Variants in STAB2 observed in about 807,000 individuals in gnomAD.
STAB2 encodes stabilin-2.
A neutral mutation model predicts 338.1 loss-of-function variants in STAB2; 288 were observed. The ratio of observed to expected loss-of-function variants is 0.85; its 90% confidence interval spans 0.77 to 0.94. STAB2 has a LOEUF of 0.94. STAB2 is among the 40% of genes least tolerant of loss of function. The probability of loss-of-function intolerance (pLI) is 0.00; values close to 1 mark genes in which losing one functional copy is unlikely to be tolerated. For missense variants in STAB2, 3,141 were observed against 3,210.1 expected, an observed-to-expected ratio of 0.98 and a Z score of 0.52; for synonymous variants, 1,202 against 1,193.3, an observed-to-expected ratio of 1.01 and a Z score of -0.15.
intron 56 of STAB2, 34 bp from the exon 57 acceptor site, chr12:103,745,139 C>T: frequency 6.3e-7 from 1 of 1,588,350 alleles, no homozygotes. Context: ...GGTCTCAACC[C>T]CTGATGACTG....
chr12:103,624,626 T>A (rs73187884), intron 5 of STAB2, among the ~76,000 whole-genome samples: 1 of 152,290 alleles, frequency 6.6e-6, no homozygotes, highest in African/African-American at 2.4e-5. Flanking sequence ...TTCATAAGAC[T>A]GTTAGCAAAA....
In STAB2 at chr12:103,587,490, A is replaced by G. The variant is rs761860368; in HGVS notation, c.14A>G (p.His5Arg). The change falls in exon 1 of 69, where the codon CAT becomes CGT. Residue 5 changes from histidine to arginine, a missense_variant. Transcript: ENST00000388887. ...AAATATTTCCTCATGATGCTACAAC[A>G]TTTAGTAATTTTTTGTCTTGGATTG... MMLQ[H>R]LVIFCLGLVV... The G allele has an allele frequency of 1.9e-6, 3 of 1,613,928 alleles. No homozygotes were observed. The highest frequency in any genetic ancestry group is 2.2e-5 in the East Asian group (1 of 44,866).
chr12:103,692,401 G>GA (rs1878011701), intron 30 of STAB2, among the ~76,000 whole-genome samples: 1 of 152,040 alleles, frequency 6.6e-6, no homozygotes, highest in South Asian at 2.1e-4. Context: ...GGGGCAGGGG[G>GA]GGACACAGCT....
At chr12:103,688,144 C>T in intron 27 of STAB2, 24 bp from the exon 28 acceptor site, 1 of 1,610,318 alleles carries the variant, frequency 6.2e-7, no homozygotes, top group Non-Finnish European at 8.5e-7. Context: ...TCTCTTCTTC[C>T]CTCCCTTGCA....
intron 22 of STAB2, among the ~76,000 whole-genome samples, chr12:103,673,510 G>T (rs904697612): frequency 6.6e-6 from 1 of 151,820 alleles, no homozygotes; most frequent in Non-Finnish European, 1.5e-5. Flanking sequence ...CATCATGCCC[G>T]GCTAATTTTT....
In STAB2 at chr12:103,590,881, T is replaced by C; in HGVS notation, c.82-16T>C. ...GATAACAGGAATTAATGTTCTTTTT[T>C]TTAATATTTACACAGGCAAGAAGAT... On this transcript the variant is annotated splice_polypyrimidine_tract_variant and intron_variant, in intron 1 of 68. Coordinates refer to ENST00000388887, the MANE Select transcript of STAB2 (RefSeq NM_017564.10). 2 of 1,613,976 alleles carry C rather than the reference T, an allele frequency of 1.2e-6. No homozygotes were observed. The highest frequency in any genetic ancestry group is 2.2e-5 in the East Asian group (1 of 44,876).
chr12:103,631,410 G>C (rs1253511980), intron 5 of STAB2, among the ~76,000 whole-genome samples, 188 bp from the exon 6 acceptor site: 2 of 148,560 alleles, frequency 1.3e-5, no homozygotes, highest in East Asian at 3.9e-4. Context: ...GAAATCCCAG[G>C]AAGTAGGCAT....
chr12:103,636,955 TAAG>T (rs1433623082), intron 6 of STAB2, among the ~76,000 whole-genome samples, 153 bp from the exon 7 acceptor site: 6 of 152,220 alleles, frequency 3.9e-5, no homozygotes, highest in African/African-American at 9.6e-5. Flanking sequence ...TTTGGGAGAC[TAAG>T]AAGAAGACAA....
intron 9 of STAB2, among the ~76,000 whole-genome samples, chr12:103,647,449 A>G (rs1479129421): frequency 6.6e-6 from 1 of 152,094 alleles, no homozygotes; most frequent in East Asian, 1.9e-4. Context: ...TGTTCCCTGC[A>G]TCTCTCCTCT....
Position 103,746,685 on chromosome 12 carries a change from T to A in STAB2, c.6225T>A (p.Gly2075=). Residue 2075 remains glycine, a synonymous_variant, in exon 58 of 69, where the codon GGT becomes GGA. Transcript: ENST00000388887. ...NTCECNLDYE[G]DGITCTVVDF... is the part of the protein sequence containing the mutation. Reference sequence around the variant, plus strand: ...GTGAGTGTAACCTGGATTATGAAGGTGACGGAATCACATGCACAGGTAAGC... The same window carrying A: ...GTGAGTGTAACCTGGATTATGAAGGAGACGGAATCACATGCACAGGTAAGC... 6.2e-7 allele frequency: 1 copy of A among 1,613,950 alleles called. No homozygotes were observed.
In STAB2 at chr12:103,660,363, C is replaced by A. The variant is rs1252492503; in HGVS notation, c.1767C>A (p.Tyr589Ter). The A allele has an allele frequency of 1.2e-6, 2 of 1,614,154 alleles. No homozygotes were observed. Among genetic ancestry groups the A allele is most frequent in the African/African-American group, 2.7e-5 (2 of 75,042 alleles). The change falls in exon 16 of 69, where the codon TAC becomes TAA. Residue 589 changes from tyrosine to a stop codon, truncating the protein, a stop_gained. Transcript: ENST00000388887. LOFTEE classifies it high-confidence loss of function. ...GSRKLLELVR[Y>*]HIVPFTQLEV... The stretch of plus-strand genomic sequence containing the variant: ...GGAAGCTTCTGGAACTCGTCAGATA[C>A]CACATTGTCCCATTTACCCAGGTTG...
Position 103,703,194 on chromosome 12 carries a change from A to G in STAB2, c.3761A>G (p.Asp1254Gly). ...ATAAACTACACCAATGTAGCCACTG[A>G]TAAGGGAGTGATCCATGGCTTGGGA... ...APINYTNVAT[D>G]KGVIHGLGKV... Residue 1254 changes from aspartate to glycine, a missense_variant, in exon 35 of 69, where the codon GAT (aspartate) becomes GGT (glycine). Asp to Gly is a moderately conservative substitution (Grantham distance 94, BLOSUM62 -1). Transcript: ENST00000388887. 6.2e-7 allele frequency: 1 copy of G among 1,614,126 alleles called. No homozygotes were observed. The highest frequency in any genetic ancestry group is 8.5e-7 in the Non-Finnish European group (1 of 1,180,030).
chr12:103,751,766 GAC>G (rs1393192116), intron 60 of STAB2, among the ~76,000 whole-genome samples: 1 of 152,132 alleles, frequency 6.6e-6, no homozygotes, highest in African/African-American at 2.4e-5. Flanking sequence ...AATCTACCCA[GAC>G]CATAGAGTGT....
chr12:103,715,100 C>T (rs1210358505), intron 42 of STAB2, among the ~76,000 whole-genome samples: 2 of 152,202 alleles, frequency 1.3e-5, no homozygotes, highest in Non-Finnish European at 2.9e-5. Context: ...TCCTCCACCT[C>T]GCCAACTTTT....
At chr12:103,730,086 CA>C (rs1469306545) in intron 48 of STAB2, 29 bp from the exon 49 acceptor site, 20 of 1,554,190 alleles carry the variant, frequency 1.3e-5, no homozygotes, top group Admixed American at 2.0e-5. Context: ...ACTTTGCACT[CA>C]TTTCTTTTTT....
Position 103,706,847 on chromosome 12 carries a change from A to G in STAB2, c.4052A>G (p.Asn1351Ser), listed in dbSNP as rs1879406002. The G allele has an allele frequency of 1.9e-6, 3 of 1,614,234 alleles. No individual in the cohort carries two copies. The highest frequency in any genetic ancestry group is 1.3e-5 in the African/African-American group (1 of 75,062). ...FGPQCQPCPG[N>S]AQNVCFGNGI... ...CCCCAATGCCAGCCCTGCCCAGGGAATGCCCAGAATGTCTGCTTTGGTAAT... is the reference window on the plus strand; with the variant it reads ...CCCCAATGCCAGCCCTGCCCAGGGAGTGCCCAGAATGTCTGCTTTGGTAAT... The change falls in exon 38 of 69, where the codon AAT becomes AGT. Residue 1351 changes from asparagine to serine, a missense_variant. Transcript: ENST00000388887.
intron 26 of STAB2, 65 bp downstream of exon 26, chr12:103,683,365 A>G: frequency 6.9e-7 from 1 of 1,440,660 alleles, no homozygotes; most frequent in Non-Finnish European, 9.5e-7. Context: ...TGAGAAAGAA[A>G]GATTATTTCC....
At chr12:103,604,195 G>A (rs1183295936) in intron 3 of STAB2, among the ~76,000 whole-genome samples, 1 of 151,986 alleles carries the variant, frequency 6.6e-6, no homozygotes, top group Non-Finnish European at 1.5e-5. Flanking sequence ...TTCATTTTAT[G>A]TCATTTTTTA....
At chr12:103,670,636 A>C (rs1875676126) in intron 21 of STAB2, 60 bp from the exon 22 acceptor site, 4 of 1,356,252 alleles carry the variant, frequency 2.9e-6, no homozygotes, top group Non-Finnish European at 4.2e-6. Flanking sequence ...CAGGCCATGA[A>C]ATGAAAACAC....
Sources: gnomAD v4.1 joint callset for allele counts (sites outside exome capture counted in the v4.1 genomes callset) on GRCh38, gnomAD v4.1.1 for gene constraint, MANE v1.5 for transcripts, NCBI Gene and HGNC (gene_info 2026-07-23, HGNC 2026-07-21) for gene names.